The following CDADC1 variants were observed in gnomAD, a reference collection of about 807,000 sequenced individuals.
The protein encoded by CDADC1 is cytidine and dCMP deaminase domain containing 1.
CDADC1 carries 39 observed loss-of-function variants against 54.9 expected under a neutral mutation model. That is an observed-to-expected ratio of 0.71 (90% CI 0.55 to 0.93). The LOEUF is 0.93. Ranked by LOEUF, CDADC1 falls within the 40% of genes least tolerant of loss-of-function variation. The pLI is 0.00. For missense variants in CDADC1, 518 were observed against 618.8 expected (o/e 0.84, Z 1.73); for synonymous variants, 186 against 204.0 (o/e 0.91, Z 0.75).
chr13:49,289,101 G>A (rs1050743205), intron 9 of CDADC1, among the ~76,000 whole-genome samples: 5 of 149,054 alleles, frequency 3.4e-5, no homozygotes, highest in Admixed American at 1.3e-4. Context: ...AACATTGCAC[G>A]GAAGTAGCTT....
chr13:49,280,835 T>TATTATTATTTTA (rs201352692), intron 8 of CDADC1, 137 bp downstream of exon 8: 21 of 137,402 alleles, frequency 1.5e-4, no homozygotes, highest in African/African-American at 8.3e-4. Context: ...TTATTATTAT[T>TATTATTATTTTA]TTATTATTAT....
intron 6 of CDADC1, 22 bp from the exon 7 acceptor site, chr13:49,278,328 A>G (rs1376377386): frequency 1.6e-5 from 23 of 1,482,446 alleles, no homozygotes; most frequent in African/African-American, 5.6e-5. Context: ...GAAACTAACC[A>G]TTGGTTTGCT....
intron 6 of CDADC1, among the ~76,000 whole-genome samples, chr13:49,275,646 G>A (rs1432740530): frequency 6.9e-6 from 1 of 145,272 alleles, no homozygotes; most frequent in East Asian, 2.1e-4. Context: ...AACCAGTAGA[G>A]AGAAAAGGCA....
intron 2 of CDADC1, among the ~76,000 whole-genome samples, chr13:49,253,990 C>T (rs1225676327): frequency 1.3e-5 from 2 of 152,130 alleles, no homozygotes; most frequent in African/African-American, 4.8e-5. Flanking sequence ...ACCTGTGTGA[C>T]CATGGTTGAA....
intron 6 of CDADC1, among the ~76,000 whole-genome samples, chr13:49,277,864 T>C (rs9568176): frequency 6.6e-6 from 1 of 152,022 alleles, no homozygotes; most frequent in African/African-American, 2.4e-5. Flanking sequence ...CAACAGAAAT[T>C]TTCTGTTTAA....
At chr13:49,256,743 A>G (rs1480104156) in intron 3 of CDADC1, among the ~76,000 whole-genome samples, 1 of 152,224 alleles carries the variant, frequency 6.6e-6, no homozygotes, top group Non-Finnish European at 1.5e-5. Context: ...TGTTTTGAAG[A>G]GTTACCTTGA....
chr13:49,274,431 A>G, intron 6 of CDADC1, 91 bp downstream of exon 6: 3 of 936,166 alleles, frequency 3.2e-6, no homozygotes. Flanking sequence ...CTGACTGCCA[A>G]GGCGGGCAGA....
chr13:49,289,120 C>CTTTTTTTTTT (rs66814830), intron 9 of CDADC1, among the ~76,000 whole-genome samples: 5 of 60,992 alleles, frequency 8.2e-5, no homozygotes, highest in Non-Finnish European at 1.4e-4. Flanking sequence ...TTTTTTTTTG[C>CTTTTTTTTTT]TTTTTTTTTT....
chr13:49,250,459 G>A (rs1952400719), intron 2 of CDADC1, among the ~76,000 whole-genome samples: 1 of 152,182 alleles, frequency 6.6e-6, no homozygotes, highest in African/African-American at 2.4e-5. Context: ...CTCTATATGG[G>A]GAAGTGAAGG....
rs745841828 is a variant in CDADC1 at position 49,286,287 on chromosome 13, GTATT to G, written c.1471+9_1471+12del. Reference sequence around the variant, plus strand: ...ATGAGCCTGAAAGGAGAGAAAGTAAGTATTTATGTATTGAGGTGAACTTTGTTGC... The same window carrying G: ...ATGAGCCTGAAAGGAGAGAAAGTAAGTATGTATTGAGGTGAACTTTGTTGC... On this transcript the variant is annotated splice_donor_region_variant and intron_variant, in intron 9 of 9. Transcript: ENST00000251108. The G allele has an allele frequency of 1.2e-6, 2 of 1,604,160 alleles. No homozygotes were observed. The highest frequency in any genetic ancestry group is 2.2e-5 in the South Asian group (2 of 90,874).
chr13:49,277,743 T>C (rs1326161998), intron 6 of CDADC1, among the ~76,000 whole-genome samples: 3 of 152,136 alleles, frequency 2.0e-5, no homozygotes, highest in African/African-American at 7.2e-5. Flanking sequence ...ATAAGAGCCA[T>C]TGAAGTAAGA....
At position 49,247,978 on chromosome 13, in the gene CDADC1, G is replaced by A; in HGVS notation, c.-60G>A. 2 of 1,474,096 alleles carry A rather than the reference G, an allele frequency of 1.4e-6. No individual in the cohort carries two copies. Among genetic ancestry groups the A allele is most frequent in the Non-Finnish European group, 1.9e-6 (2 of 1,077,444 alleles). The allele number at this position is 1,474,096 out of a possible 1,614,324, so 91.3% of individuals were successfully genotyped here. ...AGGAGGCGAGAGGCGGGGGCGCTAG[G>A]GCCGAGATCATGTCTGACTGGGAGA... On this transcript the variant is annotated 5_prime_UTR_variant, in exon 1 of 10. Coordinates refer to ENST00000251108, the MANE Select transcript of CDADC1 (RefSeq NM_030911.4).
intron 8 of CDADC1, among the ~76,000 whole-genome samples, chr13:49,281,790 T>C (rs1235827257): frequency 6.6e-6 from 1 of 152,092 alleles, no homozygotes; most frequent in Non-Finnish European, 1.5e-5. Flanking sequence ...AATATTTGTT[T>C]ATTTATTTAT....
intron 4 of CDADC1, among the ~76,000 whole-genome samples, chr13:49,260,295 G>A (rs187880690): frequency 3.3e-4 from 50 of 152,266 alleles, no homozygotes; most frequent in Middle Eastern, 3.4e-3. Flanking sequence ...TTTATCACCT[G>A]TATAATAGTC....
chr13:49,252,836 T>C lies in CDADC1; in HGVS notation c.178-3003T>C, dbSNP rs1046171927. On this transcript the variant is annotated intron_variant, in intron 2 of 9. Transcript: ENST00000251108. ...TTGATAAGTTATTAATTTTAAATTA[T>C]ACAGTAAGAATACATCTAAATTTCA... Among the ~76,000 whole-genome samples the C allele has an allele frequency of 3.7e-4, 57 of 152,220 alleles. 1 individual carries two copies. Among genetic ancestry groups the C allele is most frequent in the African/African-American group, 1.3e-3 (55 of 41,466 alleles).
intron 4 of CDADC1, chr13:49,265,954 T>G: frequency 7.7e-7 from 1 of 1,301,958 alleles, no homozygotes; most frequent in Non-Finnish European, 1.0e-6. Context: ...TTATGAGAAC[T>G]CGAACAGAGG....
chr13:49,290,226 T>C (rs1352026184), intron 9 of CDADC1, among the ~76,000 whole-genome samples: 3 of 151,874 alleles, frequency 2.0e-5, no homozygotes, highest in African/African-American at 7.3e-5. Flanking sequence ...ATGTTCTAGT[T>C]GTTGGATTCG....
intron 2 of CDADC1, among the ~76,000 whole-genome samples, chr13:49,250,912 G>A (rs1358353531): frequency 6.6e-6 from 1 of 152,010 alleles, no homozygotes; most frequent in Admixed American, 6.5e-5. Context: ...GTTATTAACG[G>A]CTGAGAAAGC....
chr13:49,250,154 C>T (rs10492507), intron 2 of CDADC1, among the ~76,000 whole-genome samples: 16,931 of 152,164 alleles, frequency 0.11, 1,268 homozygotes, highest in Non-Finnish European at 0.16. Context: ...TAGTTATATT[C>T]TGCATGTACT....
Sources: allele counts gnomAD v4.1 joint callset (sites outside exome capture counted in the v4.1 genomes callset), GRCh38; gene constraint gnomAD v4.1.1; transcripts MANE v1.5; gene names NCBI Gene and HGNC (gene_info 2026-07-23, HGNC 2026-07-21).